LPAR6: variants seen among roughly 807,000 people sequenced by gnomAD.
LPAR6 encodes G-protein coupled purinergic receptor P2Y5.
LPAR6 carries 17 observed loss-of-function variants against 22.0 expected under a neutral mutation model. That is an observed-to-expected ratio of 0.77 (90% CI 0.53 to 1.16). The LOEUF (loss-of-function observed/expected upper bound fraction) is 1.16, where lower values mean the gene tolerates loss of function less well. Ranked by LOEUF, LPAR6 falls within the 50% of genes most tolerant of loss-of-function variation. The pLI is 0.00. For missense variants in LPAR6, 384 were observed against 406.9 expected (o/e 0.94, Z 0.48); for synonymous variants, 136 against 139.8 (o/e 0.97, Z 0.19).
chr13:48,403,859 A>AT (rs1452731709), intron 1 of LPAR6, among the ~76,000 whole-genome samples: 1 of 152,130 alleles, frequency 6.6e-6, no homozygotes, highest in Non-Finnish European at 1.5e-5. Context: ...GCCTATGAGA[A>AT]TAAAAAAAAT....
chr13:48,411,839 A>C lies in LPAR6; in HGVS notation c.585T>G (p.Ile195Met), dbSNP rs2233573. 6.6e-5 allele frequency: 107 copies of C among 1,612,804 alleles called. No homozygotes were observed. In the African/African-American group the frequency reaches 1.1e-3, roughly 17 times the overall value. ...AACAAGTTACATTTAAAATTAGAGG[A>C]ATAAAAAATCCCACTATTTCGATGA... The part of the protein sequence containing the change: ...VIFIEIVGFF[I>M]PLILNVTCSS... Residue 195 changes from isoleucine (I) to methionine (M), a missense_variant, in exon 1 of 1, where the codon ATT (isoleucine) becomes ATG (methionine). By Grantham distance (10) the Ile-to-Met change is conservative (BLOSUM62 1). Transcript: ENST00000620633.
intron 1 of LPAR6, among the ~76,000 whole-genome samples, chr13:48,405,629 C>G (rs569763630): frequency 1.3e-5 from 2 of 152,224 alleles, no homozygotes; most frequent in Admixed American, 1.3e-4. Context: ...GAAAGTAGAG[C>G]CTGCAAACCG....
At chr13:48,420,124 C>T (rs1393462679) in intron 2 of LPAR6, among the ~76,000 whole-genome samples, 6 of 152,198 alleles carry the variant, frequency 3.9e-5, no homozygotes, top group East Asian at 1.9e-4. Flanking sequence ...TGAATATCGA[C>T]GTGAAAACCC....
chr13:48,438,925 G>A (rs1008129885), intron 1 of LPAR6, among the ~76,000 whole-genome samples: 1 of 150,918 alleles, frequency 6.6e-6, no homozygotes, highest in Non-Finnish European at 1.5e-5. Context: ...GTACTACTAT[G>A]AATGTGCTAT....
At chr13:48,394,101 G>T (rs1258873638) in intron 1 of LPAR6, among the ~76,000 whole-genome samples, 2 of 152,192 alleles carry the variant, frequency 1.3e-5, no homozygotes, top group African/African-American at 4.8e-5. Flanking sequence ...CCCACGGAGG[G>T]CAAGCTGAAG....
intron 2 of LPAR6, among the ~76,000 whole-genome samples, chr13:48,422,098 C>T (rs952565249): frequency 3.2e-4 from 48 of 152,272 alleles, no homozygotes; most frequent in Admixed American, 2.6e-4. Flanking sequence ...TTTACAATAG[C>T]AAAGACTTGG....
intron 1 of LPAR6, among the ~76,000 whole-genome samples, chr13:48,425,732 T>C (rs1949070098): frequency 6.6e-6 from 1 of 152,224 alleles, no homozygotes; most frequent in South Asian, 2.1e-4. Context: ...ATAATTTAGC[T>C]TCTCTATTGT....
chr13:48,391,052 G>A (rs1948607116), intron 1 of LPAR6, among the ~76,000 whole-genome samples: 1 of 151,030 alleles, frequency 6.6e-6, no homozygotes, highest in Non-Finnish European at 1.5e-5. Flanking sequence ...CTCTTTTTCT[G>A]CCTTCTTTTG....
At chr13:48,394,641 T>TG (rs1948634297) in intron 1 of LPAR6, among the ~76,000 whole-genome samples, 1 of 152,198 alleles carries the variant, frequency 6.6e-6, no homozygotes, top group South Asian at 2.1e-4. Flanking sequence ...AAGTTCAAAC[T>TG]GGGCAGAGCC....
chr13:48,394,940 C>T (rs866023784), intron 1 of LPAR6, among the ~76,000 whole-genome samples: 14 of 152,224 alleles, frequency 9.2e-5, no homozygotes, highest in Admixed American at 2.6e-4. Context: ...GACCCCTGTG[C>T]CTCCTGACTG....
chr13:48,411,618 A>G lies in LPAR6; in HGVS notation c.806T>C (p.Val269Ala). ...GAGAGTGATTGGGTACATTGTCCTT[A>G]CTGCTGCCACTACTGAGCAATTAAC... is the stretch of plus-strand genomic sequence containing the variant. ...TFVNCSVVAA[V>A]RTMYPITLCI... Residue 269 changes from valine to alanine, a missense_variant, in exon 1 of 1, where the codon GTA (valine) becomes GCA (alanine). By Grantham distance (64) the Val-to-Ala change is moderately conservative (BLOSUM62 0). Transcript: ENST00000620633. 2 of 1,611,938 alleles carry G rather than the reference A, an allele frequency of 1.2e-6. No homozygotes were observed. The highest frequency in any genetic ancestry group is 1.7e-6 in the Non-Finnish European group (2 of 1,178,180).
upstream of LPAR6, among the ~76,000 whole-genome samples, chr13:48,416,837 G>T (rs1185692630): frequency 6.6e-6 from 1 of 152,086 alleles, no homozygotes; most frequent in African/African-American, 2.4e-5. Flanking sequence ...GAACTGGGTG[G>T]AGCCCACTGT....
upstream of LPAR6, among the ~76,000 whole-genome samples, chr13:48,415,323 A>G (rs1317832308): frequency 6.7e-6 from 1 of 148,258 alleles, no homozygotes; most frequent in Non-Finnish European, 1.5e-5. Flanking sequence ...TCTGCCGCCC[A>G]GGCTGGAGTG....
At chr13:48,407,373 GAGAGGCTTA>G (rs1225812803), downstream of LPAR6, among the ~76,000 whole-genome samples, 2 of 152,176 alleles carry the variant, frequency 1.3e-5, no homozygotes, top group Admixed American at 6.5e-5. Context: ...AGGAAGGTAG[GAGAGGCTTA>G]ACACTATCAT....
Position 48,413,005 on chromosome 13 carries a change from A to G in LPAR6, c.-582T>C, listed in dbSNP as rs1489908887. 2 of 168,424 alleles carry G rather than the reference A, an allele frequency of 1.2e-5. No individual in the cohort carries two copies. The highest frequency in any genetic ancestry group is 4.8e-5 in the African/African-American group (2 of 41,448). The allele number at this position is 168,424 out of a possible 1,614,324, so 10.4% of individuals were successfully genotyped here. A position where few individuals can be genotyped will look rare whatever the true frequency, so the allele number is the denominator to read the frequency against. On this transcript the variant is annotated 5_prime_UTR_variant, in exon 1 of 1. Coordinates refer to ENST00000620633, the MANE Select transcript of LPAR6 (RefSeq NM_001162498.3). ...TGCAGTGGATCCCAGATTGTGGGTA[A>G]GCAGAAGAGTCTTTTAAAGATTCCG...
At chr13:48,420,883 A>G (rs1393257278) in intron 2 of LPAR6, among the ~76,000 whole-genome samples, 1 of 152,202 alleles carries the variant, frequency 6.6e-6, no homozygotes, top group Non-Finnish European at 1.5e-5. Flanking sequence ...AAGGAAATAA[A>G]GAGGACACAA....
At chr13:48,432,645 G>A (rs1464203982) in intron 1 of LPAR6, among the ~76,000 whole-genome samples, 1 of 151,882 alleles carries the variant, frequency 6.6e-6, no homozygotes, top group Non-Finnish European at 1.5e-5. Context: ...TTCTTCTCCT[G>A]AATTTAATTT....
chr13:48,416,379 C>T (rs746660412), upstream of LPAR6: 3 of 152,260 alleles, frequency 2.0e-5, no homozygotes, highest in Non-Finnish European at 4.4e-5. Context: ...GAATGTGCCA[C>T]GAGGAACGAT....
chr13:48,423,647 T>C (rs551148371), intron 1 of LPAR6, among the ~76,000 whole-genome samples: 1 of 152,192 alleles, frequency 6.6e-6, no homozygotes, highest in South Asian at 2.1e-4. Flanking sequence ...ATAATTGAAA[T>C]TGTACATAAC....
Sources: allele counts gnomAD v4.1 joint callset (sites outside exome capture counted in the v4.1 genomes callset), GRCh38; gene constraint gnomAD v4.1.1; transcripts MANE v1.5; gene names NCBI Gene and HGNC (gene_info 2026-07-23, HGNC 2026-07-21).